Variants in ANO7 observed in about 807,000 individuals in gnomAD.
The protein encoded by ANO7 is anoctamin-7.
A neutral mutation model predicts 115.8 loss-of-function variants in ANO7; 114 were observed. The ratio of observed to expected loss-of-function variants is 0.98; its 90% confidence interval spans 0.85 to 1.15. ANO7 has a LOEUF of 1.15. Ranked by LOEUF, ANO7 falls within the 50% of genes most tolerant of loss-of-function variation. ANO7 has a pLI of 0.00. For missense variants in ANO7, 1,302 were observed against 1,201.2 expected (o/e 1.08, Z -1.24); for synonymous variants, 550 against 498.2 (o/e 1.10, Z -1.38).
intron 18 of ANO7, among the ~76,000 whole-genome samples, chr2:241,215,468 C>G (rs2068809377): frequency 6.6e-6 from 1 of 152,326 alleles, no homozygotes; most frequent in African/African-American, 2.4e-5. Context: ...CCTGATCTGC[C>G]CCCAGAAGGC....
chr2:241,236,506 C>T, the ANO7 span: 2 of 1,107,996 alleles, frequency 1.8e-6, no homozygotes, highest in African/African-American at 3.1e-5. Flanking sequence ...GCTACCTCCA[C>T]TGCCACTGCC....
rs546733518 is a variant in ANO7, at chr2:241,191,141, G to A, written c.109-53G>A. ...AGGGTGGGGCGGGGTGGGTGTAGTT[G>A]TCGAGGGCAGATGCTGATGCTGATA... On this transcript the variant is annotated intron_variant, in intron 2 of 24. Transcript: ENST00000674324. 36 of 1,606,214 alleles carry A rather than the reference G, an allele frequency of 2.2e-5. No individual in the cohort carries two copies. The African/African-American group carries it at 2.5e-4, about 11-fold the overall frequency.
downstream of ANO7, chr2:241,229,676 C>A: frequency 1.2e-6 from 2 of 1,614,100 alleles, no homozygotes; most frequent in South Asian, 2.2e-5. Flanking sequence ...CAGAGCTGCT[C>A]ATGTCAGGAG....
chr2:241,217,581 G>A, intron 19 of ANO7, 105 bp from the exon 20 acceptor site: 2 of 1,288,656 alleles, frequency 1.6e-6, no homozygotes, highest in Non-Finnish European at 2.1e-6. Context: ...GAGCCGCGAT[G>A]GGGTGGCGGC....
intron 21 of ANO7, among the ~76,000 whole-genome samples, chr2:241,222,840 A>G (rs1459545350): frequency 2.6e-5 from 4 of 152,114 alleles, no homozygotes; most frequent in African/African-American, 9.7e-5. Context: ...GCGGATTTTC[A>G]CCGTGTAAGT....
At chr2:241,222,233 CATAAATAAATAAATAA>C (rs59653174) in intron 21 of ANO7, among the ~76,000 whole-genome samples, 1,590 of 143,336 alleles carry the variant, frequency 0.011, 36 homozygotes, top group African/African-American at 0.039. Flanking sequence ...GACTCTGTCT[CATAAATAAATAAATAA>C]ATAAATAAAT....
At chr2:241,204,130 G>A (rs2068535806) in intron 9 of ANO7, among the ~76,000 whole-genome samples, 1 of 152,242 alleles carries the variant, frequency 6.6e-6, no homozygotes, top group South Asian at 2.1e-4. Context: ...CATCGGGGCA[G>A]AGGGACAGCT....
chr2:241,223,926 A>G lies in ANO7; in HGVS notation c.2554A>G (p.Thr852Ala), dbSNP rs1331472024. 3.1e-6 allele frequency: 5 copies of G among 1,612,362 alleles called. No homozygotes were observed. Among genetic ancestry groups the G allele is most frequent in the African/African-American group, 2.7e-5 (2 of 73,308 alleles). Residue 852 changes from threonine (T) to alanine (A), a missense_variant, in exon 24 of 25, where the codon ACA becomes GCA. Physicochemically the swap from Thr to Ala is moderately conservative, Grantham distance 58 (BLOSUM62 0). Coordinates refer to ENST00000674324, the MANE Select transcript of ANO7 (RefSeq NM_001370694.2). The stretch of plus-strand genomic sequence containing the variant: ...ACAGGTTCTTTTTGGAACGAACGGA[A>G]CAAAGGATGAGCAGCCCGAGGGCTC... ...ENEVLFGTNG[T>A]KDEQPEGSEL...
In ANO7 at chr2:241,203,217, A is replaced by C; in HGVS notation, c.724-116A>C. 1.3e-6 allele frequency: 1 copy of C among 783,110 alleles called. No homozygotes were observed. The highest frequency in any genetic ancestry group is 1.9e-6 in the Non-Finnish European group (1 of 525,974). The allele number at this position is 783,110 out of a possible 1,614,324, so 48.5% of individuals were successfully genotyped here. A position where few individuals can be genotyped will look rare whatever the true frequency, so the allele number is the denominator to read the frequency against. On this transcript the variant is annotated intron_variant, in intron 8 of 24. Transcript: ENST00000674324. The surrounding 1 kb of genome is among the most constrained non-coding windows in gnomAD (Gnocchi z 4.8). The stretch of plus-strand genomic sequence containing the variant: ...TTACTCTATTTTTTCTTCATGGAGC[A>C]ATCCCAGACTCCCAGGCCTGTCTGC...
Position 241,203,439 on chromosome 2 carries a change from C to A in ANO7, c.830C>A (p.Pro277His). ...ARWGKWNKYQ[P>H]LDHVRRYFGE... ...TGGGGCAAGTGGAACAAGTACCAGC[C>A]CCTGGACCACGTGCGCAGGTACTTC... The change falls in exon 9 of 25, where the codon CCC (proline) becomes CAC (histidine). Residue 277 changes from proline to histidine, a missense_variant. Pro to His is a moderately conservative substitution (Grantham distance 77, BLOSUM62 -2). Coordinates refer to ENST00000674324, the MANE Select transcript of ANO7 (RefSeq NM_001370694.2). The surrounding 1 kb of genome is among the most constrained non-coding windows in gnomAD (Gnocchi z 4.8). 6.3e-7 allele frequency: 1 copy of A among 1,589,354 alleles called. No homozygotes were observed. Among genetic ancestry groups the A allele is most frequent in the Non-Finnish European group, 8.6e-7 (1 of 1,169,102 alleles).
intron 20 of ANO7, 26 bp from the exon 21 acceptor site, chr2:241,218,213 C>T (rs1175162167): frequency 4.3e-6 from 6 of 1,394,494 alleles, no homozygotes; most frequent in Non-Finnish European, 2.8e-6. Flanking sequence ...CGGGGGCCGC[C>T]TCGCGCTGAC....
the ANO7 span, chr2:241,236,551 G>T: frequency 5.2e-6 from 8 of 1,550,582 alleles, no homozygotes; most frequent in Non-Finnish European, 7.1e-6. Flanking sequence ...CAGGCCACGC[G>T]TCTCCCCAGG....
intron 10 of ANO7, 116 bp downstream of exon 10, chr2:241,205,071 G>A (rs1317722768): frequency 1.3e-6 from 1 of 795,224 alleles, no homozygotes; most frequent in South Asian, 1.6e-5. Flanking sequence ...TGAGGTGATT[G>A]AGGTGTGAGG....
intron 20 of ANO7, 102 bp from the exon 21 acceptor site, chr2:241,218,137 C>G (rs2068900502): frequency 4.9e-6 from 2 of 410,216 alleles, no homozygotes; most frequent in Non-Finnish European, 2.7e-6. Context: ...AGCGGGGGCG[C>G]GCAGGGGCGG....
rs1056323459 is a variant in ANO7 at position 241,224,326 on chromosome 2, C to G, written c.*173C>G. ...CCAGCGCCGGCTTCTCTCCTCAGAG[C>G]GCCTGTCACTCCATCCCCGGCAGGG... On this transcript the variant is annotated 3_prime_UTR_variant, in exon 25 of 25. Transcript: ENST00000674324. The G allele has an allele frequency of 5.9e-6, 4 of 683,544 alleles. No homozygotes were observed. Among genetic ancestry groups the G allele is most frequent in the Non-Finnish European group, 9.7e-6 (4 of 410,790 alleles). 42.3% of individuals were successfully genotyped at this position (683,544 alleles called of 1,614,324 possible). A position where few individuals can be genotyped will look rare whatever the true frequency, so the allele number is the denominator to read the frequency against.
chr2:241,212,106 C>T lies in ANO7; in HGVS notation c.1574C>T (p.Thr525Ile). 1.2e-6 allele frequency: 2 copies of T among 1,614,002 alleles called. No homozygotes were observed. The highest frequency in any genetic ancestry group is 1.7e-6 in the Non-Finnish European group (2 of 1,179,972). ...HVLTRWEMHR[T>I]QTKFEDAFTL... ...CTCCATGCCACAGAAATGCACCGCA[C>T]CCAGACCAAGTTCGAGGACGCCTTC... The change falls in exon 16 of 25, where the codon ACC (threonine) becomes ATC (isoleucine). Residue 525 changes from threonine to isoleucine, a missense_variant. Thr to Ile is a moderately conservative substitution (Grantham distance 89). Transcript: ENST00000674324.
Position 241,218,341 on chromosome 2 carries a change from GC to G in ANO7, c.2285del (p.Pro762ArgfsTer68). 1 of 1,492,716 alleles carries G rather than the reference GC, an allele frequency of 6.7e-7. No homozygotes were observed. Among genetic ancestry groups the G allele is most frequent in the Admixed American group, 2.1e-5 (1 of 46,906 alleles). 92.5% of individuals were successfully genotyped at this position (1,492,716 alleles called of 1,614,324 possible). The part of the protein sequence containing the change: ...RGFLNFTLAR[A>X]PSSFAAAHNR... ...CTTCCTCAACTTCACGCTGGCGCGA[GC>G]CCCGTCCTCCTTCGCCGCCGCGCAC... On this transcript the variant is annotated frameshift_variant, in exon 21 of 25. Coordinates refer to ENST00000674324, the MANE Select transcript of ANO7 (RefSeq NM_001370694.2). LOFTEE classifies it high-confidence loss of function.
intron 3 of ANO7, among the ~76,000 whole-genome samples, chr2:241,193,273 T>C (rs1487062967): frequency 1.3e-5 from 2 of 152,132 alleles, no homozygotes; most frequent in Non-Finnish European, 2.9e-5. Flanking sequence ...TTTCGCCATG[T>C]TGGTTGGGCA....
chr2:241,239,658 C>T, the ANO7 span: 2 of 1,614,186 alleles, frequency 1.2e-6, no homozygotes, highest in Non-Finnish European at 1.7e-6. This position sits in a 1 kb window ranked among gnomAD's most constrained non-coding sequence, Gnocchi z 4.6. Context: ...CAGTCCTTGG[C>T]GCCCTTGAGG....
Sources: allele counts gnomAD v4.1 joint callset (sites outside exome capture counted in the v4.1 genomes callset), GRCh38; gene constraint gnomAD v4.1.1; non-coding constraint Gnocchi (gnomAD v3.1); transcripts MANE v1.5; gene names NCBI Gene and HGNC (gene_info 2026-07-23, HGNC 2026-07-21).